NAA50: variants seen among roughly 807,000 people sequenced by gnomAD.
NAA50 encodes N-alpha-acetyltransferase 50.
NAA50 carries 7 observed loss-of-function variants against 20.7 expected under a neutral mutation model. That is an observed-to-expected ratio of 0.34 (90% CI 0.19 to 0.63). The LOEUF is 0.63. Among genes scored for constraint, NAA50 ranks in the 30% least tolerant of loss-of-function variants. NAA50 has a pLI of 0.75. For missense variants in NAA50, 111 were observed against 199.1 expected (o/e 0.56, Z 2.66); for synonymous variants, 54 against 70.6 (o/e 0.77, Z 1.18).
At chr3:113,726,804 T>C (rs113138893) in intron 1 of NAA50, among the ~76,000 whole-genome samples, 1,642 of 152,204 alleles carry the variant, frequency 0.011, 25 homozygotes, top group South Asian at 0.064. Flanking sequence ...CTGTAAACTA[T>C]AGAATCCTTT....
Position 113,717,770 on chromosome 3 carries a change from C to T in NAA50, c.*3990G>A, listed in dbSNP as rs867926903. Reference sequence around the variant, plus strand: ...CACAAGAGCACAGCCTTTAGACCCACTATTTCTTTTATATCCCGAATAACT... The same window carrying T: ...CACAAGAGCACAGCCTTTAGACCCATTATTTCTTTTATATCCCGAATAACT... On this transcript the variant is annotated 3_prime_UTR_variant, in exon 5 of 5. Transcript: ENST00000240922. 2 of 152,208 alleles carry T rather than the reference C, an allele frequency of 1.3e-5. No homozygotes were observed. The highest frequency in any genetic ancestry group is 2.4e-5 in the African/African-American group (1 of 41,446). 9.4% of individuals were successfully genotyped at this position (152,208 alleles called of 1,614,324 possible).
Position 113,722,886 on chromosome 3 carries a change from T to C in NAA50, c.332+20A>G. 2 of 1,510,558 alleles carry C rather than the reference T, an allele frequency of 1.3e-6. No individual in the cohort carries two copies. Among genetic ancestry groups the C allele is most frequent in the East Asian group, 4.8e-5 (2 of 41,286 alleles). 93.6% of individuals were successfully genotyped at this position (1,510,558 alleles called of 1,614,324 possible). On this transcript the variant is annotated intron_variant, in intron 4 of 4. Coordinates refer to ENST00000240922, the MANE Select transcript of NAA50 (RefSeq NM_025146.4). ...CAATTAAACCCCTTTGATAAGAACATTAAATATTATTTTACTTACAGATAA... is the reference window on the plus strand; with the variant it reads ...CAATTAAACCCCTTTGATAAGAACACTAAATATTATTTTACTTACAGATAA...
intron 1 of NAA50, among the ~76,000 whole-genome samples, chr3:113,734,978 G>A (rs1173366993): frequency 2.0e-5 from 3 of 152,190 alleles, no homozygotes; most frequent in African/African-American, 7.2e-5. Context: ...GTAGTAAAGG[G>A]AAATGCACTT....
chr3:113,733,625 G>A (rs1478341037), intron 1 of NAA50, among the ~76,000 whole-genome samples: 1 of 152,010 alleles, frequency 6.6e-6, no homozygotes, highest in East Asian at 1.9e-4. Context: ...GCTGAGGCAG[G>A]TGAATCACCT....
intron 2 of NAA50, 61 bp downstream of exon 2, chr3:113,723,898 C>G (rs1259634974): frequency 7.0e-7 from 1 of 1,437,386 alleles, no homozygotes; most frequent in Non-Finnish European, 9.2e-7. Context: ...CTATAAAAAA[C>G]TAGGGTTCAA....
At chr3:113,737,456 A>G (rs1359653312) in intron 1 of NAA50, among the ~76,000 whole-genome samples, 2 of 152,342 alleles carry the variant, frequency 1.3e-5, no homozygotes, top group Non-Finnish European at 2.9e-5. Context: ...CTAACTGCTC[A>G]TGAGGTCTTA....
chr3:113,717,867 C>A lies in NAA50; in HGVS notation c.*3893G>T, dbSNP rs1010109864. On this transcript the variant is annotated 3_prime_UTR_variant, in exon 5 of 5. Coordinates refer to ENST00000240922, the MANE Select transcript of NAA50 (RefSeq NM_025146.4). Reference sequence around the variant, plus strand: ...TAGAGACTAATAAAACACAACCTAACCAAAACTACCCTGACCTTGGGAGTC... The same window carrying A: ...TAGAGACTAATAAAACACAACCTAAACAAAACTACCCTGACCTTGGGAGTC... 1 of 152,198 alleles carries A rather than the reference C, an allele frequency of 6.6e-6. No individual in the cohort carries two copies. 9.4% of individuals were successfully genotyped at this position (152,198 alleles called of 1,614,324 possible). A position where few individuals can be genotyped will look rare whatever the true frequency, so the allele number is the denominator to read the frequency against.
At chr3:113,735,420 G>A (rs16861296) in intron 1 of NAA50, among the ~76,000 whole-genome samples, 2,988 of 152,236 alleles carry the variant, frequency 0.02, 98 homozygotes, top group African/African-American at 0.066. Context: ...CGGCATGTGC[G>A]TAAATTCCTA....
chr3:113,736,615 A>G (rs1457930330), intron 1 of NAA50, among the ~76,000 whole-genome samples: 8 of 152,174 alleles, frequency 5.3e-5, no homozygotes, highest in African/African-American at 1.4e-4. Context: ...TTATGCTCAT[A>G]ATTGTAAAAA....
At chr3:113,722,838 T>C in intron 4 of NAA50, 68 bp downstream of exon 4, 2 of 1,447,968 alleles carry the variant, frequency 1.4e-6, no homozygotes, top group Non-Finnish European at 1.8e-6. Flanking sequence ...GATTTTAAAG[T>C]TTCTAGTAAA....
chr3:113,727,306 G>T (rs559832125), intron 1 of NAA50, among the ~76,000 whole-genome samples: 1 of 152,290 alleles, frequency 6.6e-6, no homozygotes, highest in Non-Finnish European at 1.5e-5. Flanking sequence ...AACAATAATA[G>T]TAACTTAAGA....
chr3:113,745,356 C>T (rs1708476777), intron 1 of NAA50, among the ~76,000 whole-genome samples: 1 of 152,146 alleles, frequency 6.6e-6, no homozygotes, highest in Admixed American at 6.5e-5. Context: ...GTTGGCACCC[C>T]AAGTCTACAG....
chr3:113,737,532 C>A (rs184537148), intron 1 of NAA50, among the ~76,000 whole-genome samples: 5 of 152,314 alleles, frequency 3.3e-5, no homozygotes. Context: ...TTACAAGGCA[C>A]CTCTGCCCTG....
At chr3:113,741,640 G>A (rs1708418827) in intron 1 of NAA50, among the ~76,000 whole-genome samples, 2 of 152,172 alleles carry the variant, frequency 1.3e-5, no homozygotes, top group Admixed American at 1.3e-4. Context: ...CAGAAGTAAG[G>A]ATCTTTGAAA....
At chr3:113,725,241 C>T (rs1169643124) in intron 1 of NAA50, among the ~76,000 whole-genome samples, 1 of 152,158 alleles carries the variant, frequency 6.6e-6, no homozygotes, top group Admixed American at 6.5e-5. Context: ...TAAGGCAAAC[C>T]TGACAGCATT....
rs2107982134 is a variant in NAA50 at position 113,720,076 on chromosome 3, C to T, written c.*1684G>A. Reference sequence around the variant, plus strand: ...CAGCAAGGTCTTTCTACATTTTTACCATCTTAAGATTAGAACCCTATAAAC... The same window carrying T: ...CAGCAAGGTCTTTCTACATTTTTACTATCTTAAGATTAGAACCCTATAAAC... On this transcript the variant is annotated 3_prime_UTR_variant, in exon 5 of 5. Transcript: ENST00000240922. The T allele has an allele frequency of 1.3e-5, 2 of 152,696 alleles. No homozygotes were observed. Among genetic ancestry groups the T allele is most frequent in the Middle Eastern group, 3.4e-3 (1 of 294 alleles). The allele number at this position is 152,696 out of a possible 1,614,324, so 9.5% of individuals were successfully genotyped here.
At chr3:113,737,688 C>T (rs1708361709) in intron 1 of NAA50, among the ~76,000 whole-genome samples, 1 of 152,210 alleles carries the variant, frequency 6.6e-6, no homozygotes, top group South Asian at 2.1e-4. Flanking sequence ...TCAATCTCAA[C>T]ATTAGCATTT....
intron 1 of NAA50, among the ~76,000 whole-genome samples, chr3:113,726,795 T>G (rs533591778): frequency 6.6e-6 from 1 of 152,144 alleles, no homozygotes; most frequent in Admixed American, 6.5e-5. Flanking sequence ...ACTGTTATCC[T>G]GTAAACTATA....
rs550834840 is a variant in NAA50, at chr3:113,721,588, T to G, written c.*172A>C. ...AAACAATTCAAACATGATTATTTTT[T>G]TAAAGTCCTTGAAAGTATTAAAACT... On this transcript the variant is annotated 3_prime_UTR_variant, in exon 5 of 5. Coordinates refer to ENST00000240922, the MANE Select transcript of NAA50 (RefSeq NM_025146.4). The G allele has an allele frequency of 1.1e-4, 77 of 674,604 alleles. No homozygotes were observed. In the South Asian group the frequency reaches 1.4e-3, roughly 12 times the overall value. The allele number at this position is 674,604 out of a possible 1,614,324, so 41.8% of individuals were successfully genotyped here.
Sources: allele counts gnomAD v4.1 joint callset (sites outside exome capture counted in the v4.1 genomes callset), GRCh38; gene constraint gnomAD v4.1.1; transcripts MANE v1.5; gene names NCBI Gene and HGNC (gene_info 2026-07-23, HGNC 2026-07-21).